The following AKAP7 variants were observed in gnomAD, a reference collection of about 807,000 sequenced individuals.
AKAP7 encodes the protein A kinase (PRKA) anchor protein 7.
A neutral mutation model predicts 39.5 loss-of-function variants in AKAP7; 39 were observed. The observed-to-expected ratio is 0.99, with a 90% CI of 0.76 to 1.29. The LOEUF (loss-of-function observed/expected upper bound fraction) is 1.29, where lower values mean the gene tolerates loss of function less well. Among genes scored for constraint, AKAP7 ranks in the 50% most tolerant of loss-of-function variants. AKAP7 has a pLI of 0.00. For synonymous variants in AKAP7, 140 were observed against 139.1 expected (o/e 1.01, Z -0.05); for missense variants, 414 against 407.7 (o/e 1.02, Z -0.13).
intron 7 of AKAP7, among the ~76,000 whole-genome samples, chr6:131,255,341 C>T (rs1032557879): frequency 1.3e-5 from 2 of 152,152 alleles, no homozygotes; most frequent in African/African-American, 4.8e-5. Context: ...GTCAATCAGC[C>T]TATCAGATGA....
chr6:131,211,823 C>G (rs997826240), intron 6 of AKAP7, among the ~76,000 whole-genome samples: 7 of 148,470 alleles, frequency 4.7e-5, no homozygotes, highest in Middle Eastern at 3.5e-3. Context: ...CCCTGTAATT[C>G]TATACAGATG....
At position 131,196,912 on chromosome 6, in the gene AKAP7, G is replaced by C. The variant is rs117503712; in HGVS notation, c.590-2549G>C. 8.4e-4 allele frequency among the ~76,000 whole-genome samples: 128 copies of C among 152,060 alleles called. No homozygotes were observed. In the Middle Eastern group the frequency reaches 0.01, roughly 12 times the overall value. ...TATGTTTTAATTTTTTTATTCAAAA[G>C]TAATATATGCTCATTTTAACAATTC... is the stretch of plus-strand genomic sequence containing the variant. On this transcript the variant is annotated intron_variant, in intron 5 of 7. Transcript: ENST00000431975.
the AKAP7 span, among the ~76,000 whole-genome samples, chr6:131,128,753 T>C: frequency 1.4e-5 from 2 of 145,178 alleles, no homozygotes; most frequent in African/African-American, 2.6e-5. Flanking sequence ...ACCCAGGAGA[T>C]GGAGGTTGCA....
chr6:131,220,608 T>C (rs1421632022), intron 7 of AKAP7, among the ~76,000 whole-genome samples: 1 of 151,974 alleles, frequency 6.6e-6, no homozygotes, highest in Non-Finnish European at 1.5e-5. Flanking sequence ...TGTGCTTTGC[T>C]TTATTGTGCT....
At chr6:131,225,173 A>T (rs1810058863) in intron 7 of AKAP7, among the ~76,000 whole-genome samples, 1 of 152,276 alleles carries the variant, frequency 6.6e-6, no homozygotes, top group Non-Finnish European at 1.5e-5. Flanking sequence ...TTTCATATTT[A>T]AAAAAATTCT....
At position 131,269,746 on chromosome 6, in the gene AKAP7, G is replaced by A. The variant is rs116524745; in HGVS notation, c.851-11784G>A. ...TACCTGTCTGATACACTGAAGGGGA[G>A]AATTAAAACAATTTATTTGAGTCAT... On this transcript the variant is annotated intron_variant, in intron 7 of 7. Transcript: ENST00000431975. 7.8e-3 allele frequency among the ~76,000 whole-genome samples: 1,185 copies of A among 152,236 alleles called. 10 individuals are homozygous for A. The highest frequency in any genetic ancestry group is 0.027 in the African/African-American group (1,109 of 41,530).
chr6:131,265,405 G>T (rs1184003466), intron 7 of AKAP7, among the ~76,000 whole-genome samples: 1 of 152,224 alleles, frequency 6.6e-6, no homozygotes, highest in African/African-American at 2.4e-5. Context: ...AAAGTTCTGG[G>T]ATTGCAGGCA....
intron 1 of AKAP7, among the ~76,000 whole-genome samples, chr6:131,140,126 C>T (rs894859523): frequency 6.6e-6 from 1 of 152,166 alleles, no homozygotes; most frequent in African/African-American, 2.4e-5. Context: ...AGGGGATCTT[C>T]TGGAGCAGTG....
intron 7 of AKAP7, chr6:131,250,419 G>A: frequency 6.8e-7 from 1 of 1,460,142 alleles, no homozygotes; most frequent in Non-Finnish European, 9.1e-7. Context: ...CTCTCCCCCG[G>A]CGGCGTGTGC....
At chr6:131,264,747 C>T (rs546628722) in intron 7 of AKAP7, among the ~76,000 whole-genome samples, 19 of 152,206 alleles carry the variant, frequency 1.2e-4, no homozygotes, top group South Asian at 8.3e-4. Context: ...CAGTTCTGCA[C>T]GCTGAACAGG....
At chr6:131,179,049 C>A (rs1319409715) in intron 5 of AKAP7, among the ~76,000 whole-genome samples, 1 of 152,036 alleles carries the variant, frequency 6.6e-6, no homozygotes, top group African/African-American at 2.4e-5. Context: ...GTCACCACTT[C>A]AGAGAGTCCC....
intron 7 of AKAP7, among the ~76,000 whole-genome samples, chr6:131,266,937 TTC>T (rs1318646658): frequency 2.6e-5 from 4 of 152,148 alleles, no homozygotes; most frequent in Admixed American, 6.6e-5. Flanking sequence ...GACCAAATAT[TTC>T]TGTGTACCTG....
chr6:131,251,214 G>A (rs1368852743), intron 7 of AKAP7, among the ~76,000 whole-genome samples: 3 of 152,174 alleles, frequency 2.0e-5, no homozygotes, highest in African/African-American at 7.2e-5. Flanking sequence ...AGCGGCTTGT[G>A]CCTAGAAAAG....
chr6:131,248,690 G>A (rs772008107), intron 7 of AKAP7, among the ~76,000 whole-genome samples: 3 of 152,100 alleles, frequency 2.0e-5, no homozygotes, highest in African/African-American at 4.8e-5. Flanking sequence ...TCTGTGTCAC[G>A]TCTCCAGTGT....
At chr6:131,149,262 GCATTAGAA>G (rs2128229712) in intron 2 of AKAP7, among the ~76,000 whole-genome samples, 1 of 152,306 alleles carries the variant, frequency 6.6e-6, no homozygotes, top group East Asian at 1.9e-4. Flanking sequence ...AAGATAACAT[GCATTAGAA>G]CTAAATATGA....
chr6:131,235,425 G>T (rs1257067969), intron 7 of AKAP7, among the ~76,000 whole-genome samples: 1 of 152,206 alleles, frequency 6.6e-6, no homozygotes, highest in African/African-American at 2.4e-5. Context: ...TATATACCCA[G>T]TAATGGGATG....
In AKAP7 at chr6:131,281,799, T is replaced by G. The variant is rs1815221032; in HGVS notation, c.*73T>G. 2 of 1,403,590 alleles carry G rather than the reference T, an allele frequency of 1.4e-6. No homozygotes were observed. Among genetic ancestry groups the G allele is most frequent in the South Asian group, 1.8e-5 (1 of 55,194 alleles). The allele number at this position is 1,403,590 out of a possible 1,614,324, so 86.9% of individuals were successfully genotyped here. A position where few individuals can be genotyped will look rare whatever the true frequency, so the allele number is the denominator to read the frequency against. On this transcript the variant is annotated 3_prime_UTR_variant, in exon 8 of 8. Coordinates refer to ENST00000431975, the MANE Select transcript of AKAP7 (RefSeq NM_016377.4). This position sits in a 1 kb window ranked among gnomAD's most constrained non-coding sequence, Gnocchi z 4.0. The stretch of plus-strand genomic sequence containing the variant: ...CCTCTGCTGAGTCTAGGGACTGACT[T>G]GCAGCGTGCTGTTTAAGTTAAGTTT...
intron 7 of AKAP7, among the ~76,000 whole-genome samples, chr6:131,227,921 G>A (rs1015846054): frequency 1.3e-5 from 2 of 152,158 alleles, no homozygotes; most frequent in East Asian, 1.9e-4. Flanking sequence ...AAGGCTTGTT[G>A]TGGTTCACCC....
chr6:131,165,067 G>A lies in AKAP7; in HGVS notation c.292-14G>A. 1 of 1,580,086 alleles carries A rather than the reference G, an allele frequency of 6.3e-7. No individual in the cohort carries two copies. Among genetic ancestry groups the A allele is most frequent in the Non-Finnish European group, 8.6e-7 (1 of 1,167,008 alleles). ...TCACTGGAATTTTTTTTATATGTGT[G>A]TATGTGTTATTAGATTATAAAAGGA... On this transcript the variant is annotated splice_polypyrimidine_tract_variant and intron_variant, in intron 3 of 7. Transcript: ENST00000431975.
Sources: allele counts gnomAD v4.1 joint callset (sites outside exome capture counted in the v4.1 genomes callset), GRCh38; gene constraint gnomAD v4.1.1; non-coding constraint Gnocchi (gnomAD v3.1); transcripts MANE v1.5; gene names NCBI Gene and HGNC (gene_info 2026-07-23, HGNC 2026-07-21).